SNTG1: variants seen among roughly 807,000 people sequenced by gnomAD.
SNTG1 encodes gamma-1-syntrophin.
A neutral mutation model predicts 74.7 loss-of-function variants in SNTG1; 39 were observed. That is an observed-to-expected ratio of 0.52 (90% CI 0.40 to 0.68). SNTG1 has a LOEUF of 0.68. Among genes scored for constraint, SNTG1 ranks in the 30% least tolerant of loss-of-function variants. The probability of loss-of-function intolerance (pLI) is 0.00; values close to 1 mark genes in which losing one functional copy is unlikely to be tolerated. For synonymous variants in SNTG1, 254 were observed against 217.1 expected, an observed-to-expected ratio of 1.17 and a Z score of -1.49; for missense variants, 685 against 609.5, an observed-to-expected ratio of 1.12 and a Z score of -1.30.
intron 2 of SNTG1, among the ~76,000 whole-genome samples, chr8:50,333,781 CTAA>C (rs1056355243): frequency 6.6e-6 from 1 of 152,002 alleles, no homozygotes; most frequent in Non-Finnish European, 1.5e-5. Flanking sequence ...AATAAACTAA[CTAA>C]TAATAAGGAA....
In SNTG1 at chr8:50,735,319, T is replaced by A. The variant is rs920955012; in HGVS notation, c.1285-16682T>A. Among the ~76,000 whole-genome samples, 3 of 151,376 alleles carry A rather than the reference T, an allele frequency of 2.0e-5. No homozygotes were observed. In the Admixed American group the frequency reaches 2.0e-4, roughly 10 times the overall value. ...TTCTAAACTAATATTAGACAAAAAC[T>A]CCTCCAATCTAAAGGAGCATGTTCT... On this transcript the variant is annotated intron_variant, in intron 17 of 18. Transcript: ENST00000642720.
intron 1 of SNTG1, among the ~76,000 whole-genome samples, chr8:50,055,357 A>G (rs1170190423): frequency 1.3e-5 from 2 of 152,164 alleles, no homozygotes; most frequent in African/African-American, 4.8e-5. Context: ...TTGCTTTGAA[A>G]AAAATCCGGT....
At chr8:49,969,272 T>C (rs1035408879) in intron 1 of SNTG1, among the ~76,000 whole-genome samples, 1 of 152,084 alleles carries the variant, frequency 6.6e-6, no homozygotes, top group African/African-American at 2.4e-5. Context: ...AGAGAGGCAT[T>C]AATGCGAGGA....
chr8:50,402,143 C>A, intron 3 of SNTG1, 67 bp from the exon 4 acceptor site: 26 of 1,507,566 alleles, frequency 1.7e-5, no homozygotes, highest in Non-Finnish European at 2.3e-5. Context: ...TGTAAACTGG[C>A]CACAAAATTA....
intron 2 of SNTG1, among the ~76,000 whole-genome samples, chr8:50,323,123 AG>A (rs2090597410): frequency 6.6e-6 from 1 of 150,844 alleles, no homozygotes; most frequent in Non-Finnish European, 1.5e-5. Context: ...AAAAAAAAAA[AG>A]ATACTCTGAT....
At chr8:50,314,038 A>G (rs1204478371) in intron 2 of SNTG1, among the ~76,000 whole-genome samples, 1 of 149,566 alleles carries the variant, frequency 6.7e-6, no homozygotes, top group Non-Finnish European at 1.5e-5. Flanking sequence ...TATCTTTTCA[A>G]TCTTAGTTTC....
intron 1 of SNTG1, among the ~76,000 whole-genome samples, chr8:49,964,897 C>T (rs1364271782): frequency 6.6e-6 from 1 of 152,046 alleles, no homozygotes; most frequent in Non-Finnish European, 1.5e-5. Context: ...AATTGATAGC[C>T]ATGTATGGCA....
At chr8:50,293,424 T>C (rs546913905) in intron 2 of SNTG1, among the ~76,000 whole-genome samples, 3 of 151,610 alleles carry the variant, frequency 2.0e-5, no homozygotes, top group Admixed American at 2.0e-4. Flanking sequence ...TTTCTTTTTT[T>C]TTTTAGACTG....
chr8:50,776,503 G>A (rs1202488134), intron 18 of SNTG1, among the ~76,000 whole-genome samples: 1 of 146,442 alleles, frequency 6.8e-6, no homozygotes, highest in African/African-American at 2.5e-5. Context: ...ATAATATATA[G>A]ATATATTATG....
Position 50,502,790 on chromosome 8 carries a change from C to G in SNTG1, c.376C>G (p.Arg126Gly). ...TTCTTTTTTTCAGGTTCAGGTTCTT[C>G]GGAATGCTGGAGAAGAAGTGACTCT... is the stretch of plus-strand genomic sequence containing the variant. ...CRHEEVVQVL[R>G]NAGEEVTLTV... Residue 126 changes from arginine (R) to glycine (G), a missense_variant, in exon 9 of 19, where the codon CGG becomes GGG. By Grantham distance (125) the Arg-to-Gly change is moderately radical. Coordinates refer to ENST00000642720, the MANE Select transcript of SNTG1 (RefSeq NM_018967.5). 2 of 1,611,806 alleles carry G rather than the reference C, an allele frequency of 1.2e-6. No homozygotes were observed. The highest frequency in any genetic ancestry group is 3.3e-5 in the Admixed American group (2 of 59,916).
chr8:50,146,926 C>T (rs2081891941), intron 1 of SNTG1, among the ~76,000 whole-genome samples: 1 of 151,878 alleles, frequency 6.6e-6, no homozygotes, highest in African/African-American at 2.4e-5. Context: ...TTCTTTATCA[C>T]ATATATGATT....
At chr8:50,129,801 T>G (rs1177591056) in intron 1 of SNTG1, among the ~76,000 whole-genome samples, 1 of 152,088 alleles carries the variant, frequency 6.6e-6, no homozygotes, top group Non-Finnish European at 1.5e-5. Context: ...TAATTTCATT[T>G]TATTATTTTG....
At chr8:50,381,492 A>T (rs2092478246) in intron 2 of SNTG1, among the ~76,000 whole-genome samples, 1 of 150,296 alleles carries the variant, frequency 6.7e-6, no homozygotes, top group Non-Finnish European at 1.5e-5. Context: ...TTTACATTTT[A>T]AATAACAGAA....
intron 4 of SNTG1, among the ~76,000 whole-genome samples, chr8:50,435,586 A>T (rs1175025454): frequency 6.6e-6 from 1 of 152,190 alleles, no homozygotes; most frequent in Non-Finnish European, 1.5e-5. Context: ...CACCAAGAAC[A>T]GTTATTTCCC....
intron 1 of SNTG1, among the ~76,000 whole-genome samples, chr8:50,028,986 G>A (rs1374908541): frequency 6.6e-6 from 1 of 151,860 alleles, no homozygotes; most frequent in Non-Finnish European, 1.5e-5. Context: ...GGTTTTTAAT[G>A]TTGAGTTTTA....
At chr8:50,573,616 T>C (rs1360632873) in intron 12 of SNTG1, among the ~76,000 whole-genome samples, 3 of 151,922 alleles carry the variant, frequency 2.0e-5, no homozygotes, top group Admixed American at 1.3e-4. Flanking sequence ...GTTTATAAAT[T>C]TTAGTAATTT....
chr8:50,193,829 C>T (rs2083666072), intron 2 of SNTG1, among the ~76,000 whole-genome samples: 1 of 152,046 alleles, frequency 6.6e-6, no homozygotes, highest in Non-Finnish European at 1.5e-5. Flanking sequence ...ACCTTCATTA[C>T]CTTAAGGTAT....
At chr8:50,246,051 A>G (rs1403321989) in intron 2 of SNTG1, among the ~76,000 whole-genome samples, 1 of 151,556 alleles carries the variant, frequency 6.6e-6, no homozygotes, top group Non-Finnish European at 1.5e-5. Flanking sequence ...ACAGTGGAAA[A>G]CATTAAATAA....
chr8:50,456,752 G>A (rs2093509799), intron 8 of SNTG1, among the ~76,000 whole-genome samples: 1 of 152,006 alleles, frequency 6.6e-6, no homozygotes, highest in African/African-American at 2.4e-5. Flanking sequence ...ACAAAACCAG[G>A]CCTGAAAAAC....
Sources: gnomAD v4.1 joint callset for allele counts (sites outside exome capture counted in the v4.1 genomes callset) on GRCh38, gnomAD v4.1.1 for gene constraint, MANE v1.5 for transcripts, NCBI Gene and HGNC (gene_info 2026-07-23, HGNC 2026-07-21) for gene names.